Variants in RGS7 observed in about 807,000 individuals in gnomAD.
RGS7 encodes regulator of G protein signaling 7, also known as regulator of G-protein signaling 7.
RGS7 carries 27 observed loss-of-function variants against 81.1 expected under a neutral mutation model. The observed-to-expected ratio is 0.33, with a 90% CI of 0.25 to 0.46. The LOEUF is 0.46. RGS7 is among the 20% of genes least tolerant of loss of function. The pLI is 1.00. For missense variants in RGS7, 396 were observed against 607.4 expected (o/e 0.65, Z 3.66); for synonymous variants, 208 against 207.7 (o/e 1.00, Z -0.01).
intron 2 of RGS7, among the ~76,000 whole-genome samples, chr1:241,316,654 G>T (rs73123972): frequency 6.6e-6 from 1 of 151,970 alleles, no homozygotes; most frequent in African/African-American, 2.4e-5. Context: ...TGGTGAAGAC[G>T]GTTTACTAGT....
At chr1:241,066,929 G>C (rs760292520) in intron 3 of RGS7, among the ~76,000 whole-genome samples, 25 of 152,192 alleles carry the variant, frequency 1.6e-4, no homozygotes, top group Non-Finnish European at 3.2e-4. Flanking sequence ...AGTGGAAAGA[G>C]AGGACAAGAA....
chr1:241,315,107 C>CTTTTTTTTTTTTTTTTTTTT lies in RGS7; in HGVS notation c.78+40572_78+40591dup, dbSNP rs5782184. ...GAAGCTTTTTTTTTTTCTTCTTCTT[C>CTTTTTTTTTTTTTTTTTTTT]TTTTTTTTTTTTTTTTTTTTTTTTT... On this transcript the variant is annotated intron_variant, in intron 2 of 18. Coordinates refer to ENST00000440928, the MANE Select transcript of RGS7 (RefSeq NM_001364886.1). Among the ~76,000 whole-genome samples, 22 of 57,446 alleles carry CTTTTTTTTTTTTTTTTTTTT rather than the reference C, an allele frequency of 3.8e-4. 7 individuals carry two copies. Among genetic ancestry groups the CTTTTTTTTTTTTTTTTTTTT allele is most frequent in the South Asian group, 1.9e-3 (2 of 1,078 alleles). The allele number at this position is 57,446 out of a possible 152,430, so 37.7% of individuals were successfully genotyped here.
intron 18 of RGS7, among the ~76,000 whole-genome samples, chr1:240,790,743 A>G (rs1685856401): frequency 1.3e-5 from 2 of 152,178 alleles, no homozygotes; most frequent in African/African-American, 2.4e-5. Flanking sequence ...GCCTACAGAA[A>G]AGATTCTTGC....
intron 3 of RGS7, among the ~76,000 whole-genome samples, chr1:240,989,505 C>T (rs1686150392): frequency 6.6e-6 from 1 of 151,830 alleles, no homozygotes; most frequent in African/African-American, 2.4e-5. Flanking sequence ...GAGCAAAGGC[C>T]CACTTCCTCA....
chr1:241,259,667 A>AAAAAAAATATATAT, intron 2 of RGS7, among the ~76,000 whole-genome samples: 31 of 49,136 alleles, frequency 6.3e-4, no homozygotes, highest in African/African-American at 2.0e-3. Flanking sequence ...AAAAAAAAAA[A>AAAAAAAATATATAT]ATATATATAT....
At chr1:240,975,747 T>C (rs1043869794) in intron 4 of RGS7, among the ~76,000 whole-genome samples, 1 of 152,284 alleles carries the variant, frequency 6.6e-6, no homozygotes, top group Admixed American at 6.5e-5. Flanking sequence ...AAAGCATGTT[T>C]ACTAAGAAAA....
At position 241,089,092 on chromosome 1, in the gene RGS7, T is replaced by TATATATATATAC. The variant is rs1335136344; in HGVS notation, c.175+9573_175+9574insGTATATATATAT. On this transcript the variant is annotated intron_variant, in intron 3 of 18. Coordinates refer to ENST00000440928, the MANE Select transcript of RGS7 (RefSeq NM_001364886.1). ...ATATATATATATATATATATATATA[T>TATATATATATAC]ATATACTGGCTTAGACCTAAGGTGA... 4.0e-3 allele frequency among the ~76,000 whole-genome samples: 399 copies of TATATATATATAC among 100,048 alleles called. 19 individuals are homozygous for TATATATATATAC. Among genetic ancestry groups the TATATATATATAC allele is most frequent in the Middle Eastern group, 9.0e-3 (2 of 222 alleles). 65.6% of individuals were successfully genotyped at this position (100,048 alleles called of 152,430 possible). A position where few individuals can be genotyped will look rare whatever the true frequency, so the allele number is the denominator to read the frequency against.
chr1:241,180,349 T>C (rs962284807), intron 2 of RGS7, among the ~76,000 whole-genome samples: 1 of 152,056 alleles, frequency 6.6e-6, no homozygotes, highest in African/African-American at 2.4e-5. Flanking sequence ...CACTCCAGCC[T>C]GGGCAACAGA....
intron 5 of RGS7, among the ~76,000 whole-genome samples, chr1:240,932,657 C>A (rs920450697): frequency 1.3e-5 from 2 of 149,914 alleles, no homozygotes; most frequent in Non-Finnish European, 1.5e-5. Flanking sequence ...TACAGGTGCC[C>A]GCCACCACGC....
At chr1:240,840,298 G>A (rs1657687420) in intron 9 of RGS7, among the ~76,000 whole-genome samples, 1 of 151,476 alleles carries the variant, frequency 6.6e-6, no homozygotes, top group Non-Finnish European at 1.5e-5. Context: ...TTTTGAGATG[G>A]AGTCTCGCTC....
At chr1:241,076,929 C>T (rs1477502533) in intron 3 of RGS7, among the ~76,000 whole-genome samples, 2 of 152,190 alleles carry the variant, frequency 1.3e-5, no homozygotes, top group Non-Finnish European at 2.9e-5. Context: ...TTCCCCAAAT[C>T]TTCAGTTGAG....
chr1:240,808,706 T>A (rs1243099237), intron 14 of RGS7, among the ~76,000 whole-genome samples: 1 of 152,088 alleles, frequency 6.6e-6, no homozygotes, highest in Non-Finnish European at 1.5e-5. Flanking sequence ...GTAATTATTG[T>A]AATAGCTTAA....
intron 10 of RGS7, among the ~76,000 whole-genome samples, chr1:240,819,921 C>T (rs1221057800): frequency 1.3e-5 from 2 of 152,142 alleles, no homozygotes; most frequent in East Asian, 3.8e-4. Context: ...AATCTGAGTA[C>T]TGTTCATTTC....
rs187543210 is a variant in RGS7, at chr1:241,188,456, A to G, written c.79-89694T>C. Among the ~76,000 whole-genome samples, 913 of 152,320 alleles carry G rather than the reference A, an allele frequency of 6.0e-3. 2 individuals carry two copies. Among genetic ancestry groups the G allele is most frequent in the Non-Finnish European group, 9.1e-3 (619 of 68,012 alleles). ...ACAGGAAATATGTGCAAGAATAAAA[A>G]GAGAACCTTAATTATAATTATGTAT... On this transcript the variant is annotated intron_variant, in intron 2 of 18. Coordinates refer to ENST00000440928, the MANE Select transcript of RGS7 (RefSeq NM_001364886.1).
chr1:240,928,347 C>T (rs1674821729), intron 6 of RGS7, among the ~76,000 whole-genome samples: 1 of 152,088 alleles, frequency 6.6e-6, no homozygotes, highest in Non-Finnish European at 1.5e-5. Flanking sequence ...GTGGACACTT[C>T]GCATATATGA....
intron 2 of RGS7, among the ~76,000 whole-genome samples, chr1:241,352,726 T>C (rs1015306856): frequency 6.6e-6 from 1 of 152,254 alleles, no homozygotes; most frequent in Non-Finnish European, 1.5e-5. Flanking sequence ...AAGATTCCTA[T>C]GGACTTCTCC....
intron 10 of RGS7, chr1:240,823,041 A>G: frequency 4.7e-6 from 3 of 639,950 alleles, no homozygotes; most frequent in Non-Finnish European, 8.4e-6. Flanking sequence ...GTTCTGGTAA[A>G]TCTAGTCGTT....
intron 2 of RGS7, among the ~76,000 whole-genome samples, chr1:241,321,346 C>T (rs137930708): frequency 5.9e-5 from 9 of 152,290 alleles, no homozygotes; most frequent in African/African-American, 2.2e-4. Flanking sequence ...CCAAAAAGCA[C>T]AAGCAGTTTT....
At chr1:241,346,478 G>C (rs1251311121) in intron 2 of RGS7, among the ~76,000 whole-genome samples, 1 of 152,174 alleles carries the variant, frequency 6.6e-6, no homozygotes, top group Non-Finnish European at 1.5e-5. Flanking sequence ...ACACAGTAAA[G>C]AGGCAAGAGT....
Sources: gnomAD v4.1 joint callset for allele counts (sites outside exome capture counted in the v4.1 genomes callset) on GRCh38, gnomAD v4.1.1 for gene constraint, MANE v1.5 for transcripts, NCBI Gene and HGNC (gene_info 2026-07-23, HGNC 2026-07-21) for gene names.